Variants in ERC1 observed in about 807,000 individuals in gnomAD.
ERC1 encodes the protein RAB6 interacting protein 2.
In ERC1, 56 loss-of-function variants were observed where a neutral mutation model predicts 132.0. The ratio of observed to expected loss-of-function variants is 0.42; its 90% CI spans 0.34 to 0.53. The LOEUF is 0.53. Among genes scored for constraint, ERC1 ranks in the 20% least tolerant of loss-of-function variants. ERC1 has a pLI of 0.03. For synonymous variants in ERC1, 478 were observed against 476.1 expected (o/e 1.00, Z -0.05); for missense variants, 1,202 against 1,349.9 (o/e 0.89, Z 1.72).
intron 11 of ERC1, among the ~76,000 whole-genome samples, chr12:1,188,087 A>T (rs1421410041): frequency 6.6e-6 from 1 of 152,186 alleles, no homozygotes; most frequent in Non-Finnish European, 1.5e-5. Flanking sequence ...AATTATTAGA[A>T]ATCAGAATTA....
intron 18 of ERC1, among the ~76,000 whole-genome samples, chr12:1,478,805 A>G (rs2094028551): frequency 7.1e-6 from 1 of 141,670 alleles, no homozygotes; most frequent in Non-Finnish European, 1.6e-5. Context: ...AAAAAGAGAG[A>G]GAGAGAGAGA....
chr12:1,026,274 A>G (rs970413705), intron 1 of ERC1, among the ~76,000 whole-genome samples: 1 of 152,184 alleles, frequency 6.6e-6, no homozygotes, highest in Non-Finnish European at 1.5e-5. Context: ...TACCACCAGA[A>G]CAGTAGAGGG....
chr12:1,123,701 A>G (rs1356357293), intron 7 of ERC1, among the ~76,000 whole-genome samples: 1 of 152,234 alleles, frequency 6.6e-6, no homozygotes, highest in Non-Finnish European at 1.5e-5. Flanking sequence ...TGGCATTTAA[A>G]TACATAAAGC....
intron 17 of ERC1, among the ~76,000 whole-genome samples, chr12:1,434,256 G>A (rs151173497): frequency 6.6e-6 from 1 of 152,142 alleles, no homozygotes; most frequent in African/African-American, 2.4e-5. Context: ...GGCTTCCTTT[G>A]TGCAGTAGCT....
At chr12:1,249,211 A>G (rs1566380042) in intron 13 of ERC1, among the ~76,000 whole-genome samples, 1 of 152,186 alleles carries the variant, frequency 6.6e-6, no homozygotes, top group Non-Finnish European at 1.5e-5. Flanking sequence ...CTGGCTGTCA[A>G]AAGATGTGTT....
At chr12:1,230,004 C>CTTT (rs754220477) in intron 12 of ERC1, among the ~76,000 whole-genome samples, 51 of 107,778 alleles carry the variant, frequency 4.7e-4, no homozygotes, top group East Asian at 7.5e-4. Context: ...CTTTTTGACT[C>CTTT]TTTTTTTTTT....
chr12:1,040,290 A>T (rs1324572435), intron 2 of ERC1, among the ~76,000 whole-genome samples: 2 of 151,956 alleles, frequency 1.3e-5, no homozygotes, highest in Non-Finnish European at 2.9e-5. Flanking sequence ...CATTTCTAAA[A>T]ATACTCATTT....
chr12:999,828 C>T lies in ERC1; in HGVS notation c.-157+8506C>T, dbSNP rs567530940. 1.1e-3 allele frequency among the ~76,000 whole-genome samples: 175 copies of T among 152,190 alleles called. 2 individuals are homozygous for T. The highest frequency in any genetic ancestry group is 2.2e-4 in the Non-Finnish European group (15 of 67,996). ...CAGGCTGGTCTCAAACTCCTGACCT[C>T]AGGTGATCCGCCTGTCTTGGCCTCC... On this transcript the variant is annotated intron_variant, in intron 1 of 18. Transcript: ENST00000360905.
intron 16 of ERC1, among the ~76,000 whole-genome samples, chr12:1,395,587 T>A (rs865915888): frequency 6.6e-6 from 1 of 152,122 alleles, no homozygotes; most frequent in Non-Finnish European, 1.5e-5. Flanking sequence ...ATGAACATAC[T>A]CATTCTGGCA....
chr12:1,320,725 G>A (rs902915540), intron 15 of ERC1, among the ~76,000 whole-genome samples: 30 of 151,944 alleles, frequency 2.0e-4, no homozygotes, highest in Admixed American at 1.7e-3. Flanking sequence ...TTTTTGAGAC[G>A]GAATCTCACT....
chr12:1,215,092 A>T (rs1434339770), intron 12 of ERC1, among the ~76,000 whole-genome samples: 2 of 152,246 alleles, frequency 1.3e-5, no homozygotes, highest in East Asian at 1.9e-4. Flanking sequence ...AAAAGTTTAT[A>T]TACATATTCT....
intron 14 of ERC1, among the ~76,000 whole-genome samples, chr12:1,284,311 T>TAC (rs2078900555): frequency 6.8e-6 from 1 of 147,484 alleles, no homozygotes; most frequent in African/African-American, 2.6e-5. Context: ...TGTGTGTGTA[T>TAC]ACATACCACA....
rs187455997 is a variant in ERC1, at chr12:1,032,998, G to C, written c.669+4426G>C. On this transcript the variant is annotated intron_variant, in intron 2 of 18. Transcript: ENST00000360905. Reference sequence around the variant, plus strand: ...AGTGACTCTCCTGTCTCAGCCTCTGGAGTAGCTGGGATTACAGGTGTGTGC... The same window carrying C: ...AGTGACTCTCCTGTCTCAGCCTCTGCAGTAGCTGGGATTACAGGTGTGTGC... Among the ~76,000 whole-genome samples the C allele has an allele frequency of 3.4e-4, 51 of 151,796 alleles. No individual in the cohort carries two copies. The East Asian group carries it at 8.0e-3, about 24-fold the overall frequency.
At chr12:1,216,992 CTTGT>C (rs1476841106) in intron 12 of ERC1, among the ~76,000 whole-genome samples, 1 of 152,122 alleles carries the variant, frequency 6.6e-6, no homozygotes, top group African/African-American at 2.4e-5. Context: ...GGTTGTATGT[CTTGT>C]TTGATACAGT....
Position 1,027,815 on chromosome 12 carries a change from C to A in ERC1, c.-89C>A. The A allele has an allele frequency of 1.7e-6, 2 of 1,203,970 alleles. No individual in the cohort carries two copies. The highest frequency in any genetic ancestry group is 2.3e-6 in the Non-Finnish European group (2 of 852,226). 74.6% of individuals were successfully genotyped at this position (1,203,970 alleles called of 1,614,324 possible). On this transcript the variant is annotated 5_prime_UTR_variant, in exon 2 of 19. Coordinates refer to ENST00000360905, the MANE Select transcript of ERC1 (RefSeq NM_178040.4). ...CTTCTTCTGATTAACCTTAAACCAA[C>A]TTGTAGCCATAGAGACACCTCACAA...
intron 11 of ERC1, among the ~76,000 whole-genome samples, chr12:1,186,912 C>T (rs1385579854): frequency 6.6e-6 from 1 of 152,176 alleles, no homozygotes; most frequent in Non-Finnish European, 1.5e-5. Flanking sequence ...CTCACTGCAG[C>T]CTCTACCTCC....
intron 12 of ERC1, among the ~76,000 whole-genome samples, chr12:1,227,735 A>G (rs61911969): frequency 0.43 from 65,207 of 152,070 alleles, 15,749 homozygotes; most frequent in African/African-American, 0.65. Flanking sequence ...GCAGACCCAC[A>G]TCAGGAAGTT....
intron 1 of ERC1, among the ~76,000 whole-genome samples, chr12:1,018,434 C>T (rs142740393): frequency 0.028 from 4,316 of 152,280 alleles, 86 homozygotes; most frequent in South Asian, 0.093. Flanking sequence ...AGGCTGGTCT[C>T]GAACTCCTGA....
intron 18 of ERC1, among the ~76,000 whole-genome samples, chr12:1,467,171 G>A (rs1235405868): frequency 6.6e-6 from 1 of 152,156 alleles, no homozygotes; most frequent in Non-Finnish European, 1.5e-5. Context: ...AGCAAACTTC[G>A]GACACTAACA....
Sources: allele counts gnomAD v4.1 joint callset (sites outside exome capture counted in the v4.1 genomes callset), GRCh38; gene constraint gnomAD v4.1.1; transcripts MANE v1.5; gene names NCBI Gene and HGNC (gene_info 2026-07-23, HGNC 2026-07-21).